The following TACC1 variants were observed in gnomAD, a reference collection of about 807,000 sequenced individuals.
TACC1 encodes the protein transforming acidic coiled-coil containing protein 1.
In TACC1, 48 loss-of-function variants were observed where a neutral mutation model predicts 84.4. That is an observed-to-expected ratio of 0.57 (90% confidence interval 0.45 to 0.72). The LOEUF is 0.72. Ranked by LOEUF, TACC1 falls within the 30% of genes least tolerant of loss-of-function variation. The pLI is 0.00. For missense variants in TACC1, 920 were observed against 973.0 expected, an observed-to-expected ratio of 0.95 and a Z score of 0.72; for synonymous variants, 372 against 376.3, an observed-to-expected ratio of 0.99 and a Z score of 0.13.
intron 6 of TACC1, among the ~76,000 whole-genome samples, chr8:38,835,538 A>G (rs1424463812): frequency 6.6e-6 from 1 of 152,256 alleles, no homozygotes; most frequent in East Asian, 1.9e-4. Context: ...ATGGGCAACA[A>G]TGGCACACAC....
At chr8:38,747,510 T>C (rs895380704) in intron 3 of TACC1, among the ~76,000 whole-genome samples, 5 of 152,198 alleles carry the variant, frequency 3.3e-5, no homozygotes, top group Admixed American at 6.5e-5. Flanking sequence ...AATGGAATAT[T>C]ATTCAGTGTT....
intron 1 of TACC1, among the ~76,000 whole-genome samples, chr8:38,740,033 A>G (rs1806764501): frequency 6.6e-6 from 1 of 152,224 alleles, no homozygotes; most frequent in Admixed American, 6.5e-5. Context: ...CCCAGAAGGC[A>G]CTAACAGCTG....
chr8:38,788,136 C>G (rs908558), intron 1 of TACC1: 3,844 of 201,454 alleles, frequency 0.019, 136 homozygotes, highest in African/African-American at 0.075. Context: ...CGGGGCCCTA[C>G]CGTGTACCCA....
At chr8:38,791,615 A>G (rs1045344449) in intron 2 of TACC1, among the ~76,000 whole-genome samples, 2 of 152,166 alleles carry the variant, frequency 1.3e-5, no homozygotes, top group Admixed American at 1.3e-4. Context: ...TTGAAGTTTA[A>G]TTTCTGGGAC....
At chr8:38,814,691 G>C (rs945431628) in intron 2 of TACC1, among the ~76,000 whole-genome samples, 23 of 152,190 alleles carry the variant, frequency 1.5e-4, no homozygotes, top group African/African-American at 5.3e-4. Flanking sequence ...CACAGAACAG[G>C]GTTTAAATAA....
At chr8:38,840,507 A>G (rs1412752932) in intron 9 of TACC1, 3 of 335,526 alleles carry the variant, frequency 8.9e-6, no homozygotes, top group Non-Finnish European at 1.7e-5. Context: ...ATCCTGACAT[A>G]ATCACCTCCC....
intron 1 of TACC1, among the ~76,000 whole-genome samples, chr8:38,734,842 G>A (rs544107470): frequency 2.0e-5 from 3 of 152,400 alleles, no homozygotes; most frequent in African/African-American, 7.2e-5. Flanking sequence ...GCTGACGCAG[G>A]CTGGCGGGGA....
intron 8 of TACC1, 145 bp from the exon 9 acceptor site, chr8:38,840,079 A>AT: frequency 1.3e-5 from 4 of 316,726 alleles, no homozygotes; most frequent in Non-Finnish European, 1.8e-5. Context: ...AAAAAAAAAA[A>AT]GATAACGAGA....
At chr8:38,757,063 G>C (rs1810191311) in intron 3 of TACC1, among the ~76,000 whole-genome samples, 1 of 152,192 alleles carries the variant, frequency 6.6e-6, no homozygotes. Context: ...GCCGCTGCCC[G>C]GGCTCCCCGC....
chr8:38,819,395 C>T (rs1243450226), intron 2 of TACC1, 127 bp from the exon 3 acceptor site: 4 of 1,126,694 alleles, frequency 3.6e-6, no homozygotes, highest in Non-Finnish European at 4.9e-6. Flanking sequence ...CCTTCCTGAA[C>T]TTTAGAGATG....
intron 3 of TACC1, among the ~76,000 whole-genome samples, chr8:38,768,887 CGGG>C (rs1047536363): frequency 1.6e-5 from 2 of 123,820 alleles, no homozygotes; most frequent in African/African-American, 3.2e-5. Flanking sequence ...GTAAGACTGT[CGGG>C]GGAGGTGTGT....
At chr8:38,734,349 C>CG (rs1805540647) in intron 1 of TACC1, among the ~76,000 whole-genome samples, 1 of 152,162 alleles carries the variant, frequency 6.6e-6, no homozygotes, top group South Asian at 2.1e-4. Context: ...CCTGCCACCA[C>CG]ACCAGCTAAT....
At chr8:38,781,696 C>T (rs1303470094) in intron 3 of TACC1, among the ~76,000 whole-genome samples, 1 of 152,060 alleles carries the variant, frequency 6.6e-6, no homozygotes, top group African/African-American at 2.4e-5. Flanking sequence ...TATTATTCTA[C>T]TTAAATGTCC....
At chr8:38,819,456 G>A (rs1401798556) in intron 2 of TACC1, 66 bp from the exon 3 acceptor site, 4 of 1,498,658 alleles carry the variant, frequency 2.7e-6, no homozygotes, top group Non-Finnish European at 3.6e-6. Flanking sequence ...TATGAATTCA[G>A]GTAAGAGAGG....
In TACC1 at chr8:38,787,485, C is replaced by T; in HGVS notation, c.-98C>T. The T allele has an allele frequency of 7.1e-6, 10 of 1,401,642 alleles. No homozygotes were observed. The highest frequency in any genetic ancestry group is 7.4e-6 in the Non-Finnish European group (8 of 1,082,202). The allele number at this position is 1,401,642 out of a possible 1,614,324, so 86.8% of individuals were successfully genotyped here. A position where few individuals can be genotyped will look rare whatever the true frequency, so the allele number is the denominator to read the frequency against. On this transcript the variant is annotated 5_prime_UTR_variant, in exon 1 of 13. Coordinates refer to ENST00000317827, the MANE Select transcript of TACC1 (RefSeq NM_006283.3). ...TCCGCGCCTCTGCTGGAAACGCTTG[C>T]TGGCGCCTGTCACCGGTTCCCTCCA...
chr8:38,808,165 T>C (rs1413379711), intron 2 of TACC1, among the ~76,000 whole-genome samples: 2 of 152,258 alleles, frequency 1.3e-5, no homozygotes, highest in South Asian at 2.1e-4. Context: ...AAACTCCTTC[T>C]AGAGAGAGAG....
At chr8:38,731,233 C>A (rs1035431301) in intron 1 of TACC1, among the ~76,000 whole-genome samples, 1 of 152,194 alleles carries the variant, frequency 6.6e-6, no homozygotes, top group Non-Finnish European at 1.5e-5. Context: ...GCCACTGTGC[C>A]CTACCGAGGT....
intron 1 of TACC1, among the ~76,000 whole-genome samples, chr8:38,737,715 A>C (rs1048821932): frequency 6.6e-6 from 1 of 151,638 alleles, no homozygotes. Context: ...AATAGAGCTC[A>C]GATTGGGAGC....
At chr8:38,735,948 C>G (rs567680904) in intron 1 of TACC1, among the ~76,000 whole-genome samples, 1 of 152,308 alleles carries the variant, frequency 6.6e-6, no homozygotes, top group African/African-American at 2.4e-5. Flanking sequence ...TAGCTTAAAA[C>G]AGAACAAAAC....
Sources: gnomAD v4.1 joint callset for allele counts (sites outside exome capture counted in the v4.1 genomes callset) on GRCh38, gnomAD v4.1.1 for gene constraint, MANE v1.5 for transcripts, NCBI Gene and HGNC (gene_info 2026-07-23, HGNC 2026-07-21) for gene names.